The following BLM variants were observed in gnomAD, a reference collection of about 807,000 sequenced individuals.
BLM encodes BLM RecQ like helicase.
BLM carries 95 observed loss-of-function variants against 135.3 expected under a neutral mutation model. The ratio of observed to expected loss-of-function variants is 0.70; its 90% CI spans 0.59 to 0.83. BLM has a LOEUF of 0.83. Ranked by LOEUF, BLM falls within the 40% of genes least tolerant of loss-of-function variation. The probability of loss-of-function intolerance (pLI) is 0.00; values close to 1 mark genes in which losing one functional copy is unlikely to be tolerated. For synonymous variants in BLM, 520 were observed against 589.2 expected, an observed-to-expected ratio of 0.88 and a Z score of 1.70; for missense variants, 1,518 against 1,663.9, an observed-to-expected ratio of 0.91 and a Z score of 1.53.
intron 19 of BLM, chr15:90,808,724 G>A (rs1054053609): frequency 3.3e-6 from 1 of 305,478 alleles, no homozygotes; most frequent in African/African-American, 2.2e-5. Flanking sequence ...GTACAAGTCT[G>A]GAGTGCAGAG....
At chr15:90,804,439 A>G (rs1259715316) in intron 19 of BLM, 80 bp downstream of exon 19, 25 of 1,395,862 alleles carry the variant, frequency 1.8e-5, no homozygotes, top group Non-Finnish European at 1.0e-6. Context: ...TCCTTAAGTG[A>G]TAAATATATC....
At chr15:90,760,054 G>A (rs2151156849) in intron 5 of BLM, 93 bp from the exon 6 acceptor site, 1 of 1,306,276 alleles carries the variant, frequency 7.7e-7, no homozygotes, top group South Asian at 1.3e-5. Flanking sequence ...CCTCCCCAAA[G>A]GGCTGGGATT....
In BLM at chr15:90,763,084, T is replaced by C; in HGVS notation, c.2001T>C (p.Asn667=). ...TTCATAAAAAATTTGGCCTGCATAA[T>C]TTTAGAACTAATCAGCTAGAGGCGA... ...KIFHKKFGLH[N]FRTNQLEAIN... is the part of the protein sequence containing the mutation. Residue 667 remains asparagine, a synonymous_variant, in exon 8 of 22, where the codon AAT becomes AAC. Coordinates refer to ENST00000355112, the MANE Select transcript of BLM (RefSeq NM_000057.4). The C allele has an allele frequency of 6.2e-7, 1 of 1,614,122 alleles. No homozygotes were observed. Among genetic ancestry groups the C allele is most frequent in the South Asian group, 1.1e-5 (1 of 91,078 alleles).
Position 90,798,260 on chromosome 15 carries a change from C to T in BLM, c.3281C>T (p.Ser1094Leu), listed in dbSNP as rs1472603091. The change falls in exon 17 of 22, where the codon TCA becomes TTA. Residue 1094 changes from serine (S) to leucine (L), a missense_variant. Around this residue, in one of 5 missense-constraint regions of BLM, gnomAD observed 626 missense variants for 681.1 expected, o/e 0.92. Coordinates refer to ENST00000355112, the MANE Select transcript of BLM (RefSeq NM_000057.4). ...IVRFVQEHSS[S>L]QGMRNIKHVG... Reference sequence around the variant, plus strand: ...AGATTTGTTCAAGAACATAGTTCATCACAAGGAATGAGAAATATAAAACAT... The same window carrying T: ...AGATTTGTTCAAGAACATAGTTCATTACAAGGAATGAGAAATATAAAACAT... 2.5e-6 allele frequency: 4 copies of T among 1,611,602 alleles called. No individual in the cohort carries two copies. Among genetic ancestry groups the T allele is most frequent in the Non-Finnish European group, 3.4e-6 (4 of 1,178,240 alleles).
At chr15:90,788,331 T>A (rs1220064306) in intron 14 of BLM, among the ~76,000 whole-genome samples, 2 of 152,204 alleles carry the variant, frequency 1.3e-5, no homozygotes, top group Non-Finnish European at 2.9e-5. Flanking sequence ...CAGCTCACTG[T>A]CATTTATGTT....
rs148237075 is a variant in BLM, at chr15:90,798,216, C to T, written c.3237C>T (p.Asp1079=). The T allele has an allele frequency of 8.7e-6, 14 of 1,607,882 alleles. No homozygotes were observed. The highest frequency in any genetic ancestry group is 6.7e-5 in the African/African-American group (5 of 74,702). ...ATTATAAAACAAGAGATGTGACTGA[C>T]GATGTGAAAAGTATTGTAAGATTTG... The part of the protein sequence containing the change: ...TKDYKTRDVT[D]DVKSIVRFVQ... Residue 1079 remains aspartate, a synonymous_variant, in exon 17 of 22, where the codon GAC becomes GAT. Transcript: ENST00000355112.
chr15:90,755,543 T>G (rs1895795441), intron 5 of BLM, among the ~76,000 whole-genome samples: 1 of 152,202 alleles, frequency 6.6e-6, no homozygotes, highest in South Asian at 2.1e-4. Flanking sequence ...AGTGCAAGAC[T>G]TTGATAAACG....
intron 7 of BLM, among the ~76,000 whole-genome samples, chr15:90,762,115 C>T (rs1464886015): frequency 6.6e-6 from 1 of 152,132 alleles, no homozygotes; most frequent in Non-Finnish European, 1.5e-5. Context: ...TAGAATGTGT[C>T]ATACTTGATG....
chr15:90,815,234 G>T lies in BLM; in HGVS notation c.4209G>T (p.Lys1403Asn), dbSNP rs1254277623. The change falls in exon 22 of 22, where the codon AAG (lysine) becomes AAT (asparagine). Residue 1403 changes from lysine (K) to asparagine (N), a missense_variant. By Grantham distance (94) the Lys-to-Asn change is moderately conservative. Transcript: ENST00000355112. This position sits in a 1 kb window ranked among gnomAD's most constrained non-coding sequence, Gnocchi z 4.6. ...NSKLGIMAPP[K>N]PINRPFLKPS... ...AATTGGGGATTATGGCTCCACCGAA[G>T]CCTATAAATAGACCGTTTCTTAAGC... 1 of 1,614,150 alleles carries T rather than the reference G, an allele frequency of 6.2e-7. No homozygotes were observed. Among genetic ancestry groups the T allele is most frequent in the South Asian group, 1.1e-5 (1 of 91,084 alleles).
At chr15:90,721,120 CCTCT>C (rs1052132998) in intron 1 of BLM, among the ~76,000 whole-genome samples, 1 of 152,118 alleles carries the variant, frequency 6.6e-6, no homozygotes, top group Non-Finnish European at 1.5e-5. Context: ...TCGCAATATT[CCTCT>C]CTCTTTGGTT....
intron 15 of BLM, among the ~76,000 whole-genome samples, chr15:90,792,442 T>A (rs8026761): frequency 0.17 from 26,194 of 151,610 alleles, 2,353 homozygotes; most frequent in African/African-American, 0.19. Context: ...AGAAGTACAG[T>A]GCATAGGAAA....
chr15:90,791,988 A>G (rs1896915532), intron 15 of BLM, among the ~76,000 whole-genome samples: 1 of 151,982 alleles, frequency 6.6e-6, no homozygotes, highest in African/African-American at 2.4e-5. Context: ...AAGTGAATAC[A>G]TATTTTAGAA....
At chr15:90,795,622 A>G (rs1055781082) in intron 16 of BLM, among the ~76,000 whole-genome samples, 8 of 152,122 alleles carry the variant, frequency 5.3e-5, no homozygotes, top group African/African-American at 1.7e-4. Context: ...AAACATTGCT[A>G]TCAGTTCCCT....
rs1555425406 is a variant in BLM, at chr15:90,815,135, A to G, written c.4110A>G (p.Lys1370=). 1.9e-6 allele frequency: 3 copies of G among 1,614,192 alleles called. No homozygotes were observed. The highest frequency in any genetic ancestry group is 2.5e-6 in the Non-Finnish European group (3 of 1,180,034). The part of the protein sequence containing the change: ...GSATCRKISS[K]TKSSSIIGSS... Reference sequence around the variant, plus strand: ...CCACATGTAGAAAGATATCTTCCAAAACGAAATCCTCCAGCATCATTGGAT... The same window carrying G: ...CCACATGTAGAAAGATATCTTCCAAGACGAAATCCTCCAGCATCATTGGAT... The change falls in exon 22 of 22, where the codon AAA becomes AAG. Residue 1370 remains lysine, a synonymous_variant. Transcript: ENST00000355112. This position sits in a 1 kb window ranked among gnomAD's most constrained non-coding sequence, Gnocchi z 4.6.
At chr15:90,770,599 C>T (rs1227016593) in intron 12 of BLM, among the ~76,000 whole-genome samples, 1 of 152,142 alleles carries the variant, frequency 6.6e-6, no homozygotes, top group Admixed American at 6.5e-5. Flanking sequence ...CTGTTGTGTG[C>T]CGAGTTTAAA....
intron 14 of BLM, among the ~76,000 whole-genome samples, chr15:90,787,829 A>T (rs1252794889): frequency 6.6e-6 from 1 of 152,144 alleles, no homozygotes; most frequent in Non-Finnish European, 1.5e-5. Context: ...GGGCATCTGT[A>T]GTCCCAGCTA....
intron 14 of BLM, among the ~76,000 whole-genome samples, chr15:90,788,927 C>CA (rs1256330673): frequency 2.0e-5 from 3 of 149,384 alleles, no homozygotes; most frequent in Non-Finnish European, 4.4e-5. Flanking sequence ...GAGCCAAAAT[C>CA]ACGCCACTGC....
intron 16 of BLM, among the ~76,000 whole-genome samples, chr15:90,794,626 A>G (rs977726115): frequency 1.3e-5 from 2 of 151,418 alleles, no homozygotes; most frequent in African/African-American, 4.8e-5. Context: ...TGATTACAGA[A>G]TATTTTAGAA....
Position 90,815,104 on chromosome 15 carries a change from G to T in BLM, c.4079G>T (p.Gly1360Val), listed in dbSNP as rs1258712808. The stretch of plus-strand genomic sequence containing the variant: ...TTTTTTTCTTTGTCACATTTCAGGG[G>T]GTCTGCCACATGTAGAAAGATATCT... ...TASSGSKAKG[G>V]SATCRKISSK... Residue 1360 changes from glycine to valine, a missense_variant and splice_region_variant, in exon 22 of 22, where the codon GGG becomes GTG. This residue lies in a region of BLM where 153 missense variants were observed against 173.4 expected (regional missense o/e 0.88). Transcript: ENST00000355112. This position sits in a 1 kb window ranked among gnomAD's most constrained non-coding sequence, Gnocchi z 4.6. 2 of 1,613,738 alleles carry T rather than the reference G, an allele frequency of 1.2e-6. No individual in the cohort carries two copies. Among genetic ancestry groups the T allele is most frequent in the Non-Finnish European group, 8.5e-7 (1 of 1,180,002 alleles).
Sources: gnomAD v4.1 joint callset for allele counts (sites outside exome capture counted in the v4.1 genomes callset) on GRCh38, gnomAD v4.1.1 for gene constraint, gnomAD v4.1.1 regional missense constraint, Gnocchi (gnomAD v3.1) non-coding constraint, MANE v1.5 for transcripts, NCBI Gene and HGNC (gene_info 2026-07-23, HGNC 2026-07-21) for gene names.